The following SNX25 variants were observed in gnomAD, a reference collection of about 807,000 sequenced individuals.
SNX25 encodes sorting nexin-25.
A neutral mutation model predicts 113.7 loss-of-function variants in SNX25; 62 were observed. The observed-to-expected ratio is 0.55, with a 90% confidence interval of 0.44 to 0.67. The LOEUF (loss-of-function observed/expected upper bound fraction) is 0.67, where lower values mean the gene tolerates loss of function less well. SNX25 is among the 30% of genes least tolerant of loss of function. The pLI, the probability that SNX25 is intolerant of heterozygous loss-of-function variation, is 0.00. For synonymous variants in SNX25, 421 were observed against 436.2 expected (o/e 0.97, Z 0.43); for missense variants, 1,014 against 1,161.0 (o/e 0.87, Z 1.84).
chr4:185,320,896 C>A, intron 8 of SNX25, 32 bp downstream of exon 8: 8 of 1,533,384 alleles, frequency 5.2e-6, no homozygotes, highest in Non-Finnish European at 7.0e-6. Flanking sequence ...GAATATTAAT[C>A]ACTAGCTGAT....
chr4:185,374,391 G>C, downstream of SNX25: 1 of 1,614,102 alleles, frequency 6.2e-7, no homozygotes, highest in Non-Finnish European at 8.5e-7. Flanking sequence ...GTAAGCAGCT[G>C]CAAATTTTAA....
At position 185,300,839 on chromosome 4, in the gene SNX25, T is replaced by TCACACACACACACACACACA. The variant is rs1560985826; in HGVS notation, c.1163-9796_1163-9795insCACACACACACACACACACA. 3.3e-3 allele frequency among the ~76,000 whole-genome samples: 164 copies of TCACACACACACACACACACA among 49,662 alleles called. 2 individuals are homozygous for TCACACACACACACACACACA. The highest frequency in any genetic ancestry group is 0.014 in the African/African-American group (151 of 10,432). The allele number at this position is 49,662 out of a possible 152,430, so 32.6% of individuals were successfully genotyped here. On this transcript the variant is annotated intron_variant, in intron 6 of 18. Coordinates refer to ENST00000652585, the MANE Select transcript of SNX25 (RefSeq NM_001378034.2). ...AATGCCTGTGGTATTATGATTATTA[T>TCACACACACACACACACACA]GACACACACACACACACACACACAC...
intron 5 of SNX25, among the ~76,000 whole-genome samples, chr4:185,278,576 C>T (rs909114483): frequency 2.0e-5 from 3 of 151,796 alleles, no homozygotes; most frequent in Non-Finnish European, 2.9e-5. Flanking sequence ...TAGCAGTTGC[C>T]GGGAGAAGGT....
intron 1 of SNX25, among the ~76,000 whole-genome samples, chr4:185,221,076 G>A (rs1049116668): frequency 4.7e-5 from 7 of 150,462 alleles, no homozygotes; most frequent in East Asian, 2.0e-4. Flanking sequence ...TCTGTTGCCC[G>A]GGCTGGAGTG....
At chr4:185,298,505 A>AC (rs746073462) in intron 6 of SNX25, among the ~76,000 whole-genome samples, 1 of 152,016 alleles carries the variant, frequency 6.6e-6, no homozygotes, top group African/African-American at 2.4e-5. Flanking sequence ...AGCTTATGTC[A>AC]CCTTTGTATT....
downstream of SNX25, chr4:185,370,694 C>G (rs2095411747): frequency 1.2e-6 from 2 of 1,613,932 alleles, no homozygotes; most frequent in African/African-American, 2.7e-5. Context: ...CCAAGCCAAG[C>G]TGAAGACACC....
chr4:185,247,180 C>A, intron 1 of SNX25, 114 bp from the exon 2 acceptor site: 1 of 683,232 alleles, frequency 1.5e-6, no homozygotes, highest in Non-Finnish European at 2.5e-6. Flanking sequence ...TTCTGTTATT[C>A]GTTAAGCCTT....
intron 9 of SNX25, among the ~76,000 whole-genome samples, chr4:185,330,045 A>G (rs1454405253): frequency 1.3e-5 from 2 of 152,198 alleles, no homozygotes; most frequent in South Asian, 2.1e-4. Context: ...AAGAAGCACA[A>G]AAAGTGGCTC....
chr4:185,261,662 T>A (rs77096149), intron 3 of SNX25, among the ~76,000 whole-genome samples: 1 of 152,308 alleles, frequency 6.6e-6, no homozygotes, highest in East Asian at 1.9e-4. Flanking sequence ...TATAAAGATA[T>A]GGATAAAGCA....
chr4:185,266,376 T>A (rs1247846120), intron 4 of SNX25, among the ~76,000 whole-genome samples: 2 of 152,176 alleles, frequency 1.3e-5, no homozygotes, highest in Non-Finnish European at 2.9e-5. Context: ...TTTTTTGTTT[T>A]TTGAGATGGA....
chr4:185,256,701 C>T (rs1746488996), intron 2 of SNX25, among the ~76,000 whole-genome samples: 1 of 148,466 alleles, frequency 6.7e-6, no homozygotes, highest in Admixed American at 6.8e-5. Context: ...TCTTGACTCA[C>T]TGCAACCTCC....
At chr4:185,349,323 T>G (rs1009289274) in intron 13 of SNX25, among the ~76,000 whole-genome samples, 2 of 152,232 alleles carry the variant, frequency 1.3e-5, no homozygotes, top group Non-Finnish European at 2.9e-5. Flanking sequence ...GTTGGACGCC[T>G]AAGTTGATGC....
downstream of SNX25, among the ~76,000 whole-genome samples, chr4:185,372,030 A>G (rs77535313): frequency 0.019 from 2,948 of 152,276 alleles, 51 homozygotes; most frequent in South Asian, 0.062. Context: ...AGGAAAGTAC[A>G]TGGAGCCTTA....
intron 16 of SNX25, among the ~76,000 whole-genome samples, chr4:185,361,554 A>G (rs949872519): frequency 2.6e-5 from 4 of 152,160 alleles, no homozygotes; most frequent in Admixed American, 1.3e-4. Context: ...CCTGGCCAAC[A>G]TGGCGAAACC....
chr4:185,207,025 A>G (rs921849453), upstream of SNX25, among the ~76,000 whole-genome samples: 2 of 152,012 alleles, frequency 1.3e-5, no homozygotes, highest in South Asian at 4.2e-4. Flanking sequence ...CACAGAGGAA[A>G]CCACCTTTTT....
chr4:185,340,753 G>A (rs1471080339), intron 11 of SNX25, among the ~76,000 whole-genome samples: 1 of 152,184 alleles, frequency 6.6e-6, no homozygotes, highest in Admixed American at 6.5e-5. Flanking sequence ...GAAAGGGAAG[G>A]AAGGAGTGGA....
rs1418447687 is a variant in SNX25, at chr4:185,320,620, C to T, written c.1345-113C>T. 4 of 679,052 alleles carry T rather than the reference C, an allele frequency of 5.9e-6. No individual in the cohort carries two copies. In the African/African-American group the frequency reaches 7.4e-5, roughly 13 times the overall value. 42.1% of individuals were successfully genotyped at this position (679,052 alleles called of 1,614,324 possible). ...TACTACAATAAAATTTTACTTTATTCCTTTAAAAAATGCATTTTTACCCTA... is the reference window on the plus strand; with the variant it reads ...TACTACAATAAAATTTTACTTTATTTCTTTAAAAAATGCATTTTTACCCTA... On this transcript the variant is annotated intron_variant, in intron 7 of 18. Transcript: ENST00000652585.
At chr4:185,341,169 T>C (rs1008668332) in intron 11 of SNX25, among the ~76,000 whole-genome samples, 1 of 152,262 alleles carries the variant, frequency 6.6e-6, no homozygotes, top group African/African-American at 2.4e-5. Context: ...TAGCTTCTTA[T>C]GTTAAGTATA....
intron 16 of SNX25, among the ~76,000 whole-genome samples, chr4:185,361,213 T>G (rs2095361955): frequency 6.6e-6 from 1 of 152,172 alleles, no homozygotes; most frequent in African/African-American, 2.4e-5. Context: ...ACGGAAAGCC[T>G]GCTCCTCCTG....
Sources: allele counts gnomAD v4.1 joint callset (sites outside exome capture counted in the v4.1 genomes callset), GRCh38; gene constraint gnomAD v4.1.1; transcripts MANE v1.5; gene names NCBI Gene and HGNC (gene_info 2026-07-23, HGNC 2026-07-21).